The following SVIL variants were observed in gnomAD, a reference collection of about 807,000 sequenced individuals.
The protein encoded by SVIL is supervillin.
In SVIL, 101 loss-of-function variants were observed where a neutral mutation model predicts 240.4. The ratio of observed to expected loss-of-function variants is 0.42; its 90% CI spans 0.36 to 0.50. The LOEUF (loss-of-function observed/expected upper bound fraction) is 0.50. Ranked by LOEUF, SVIL falls within the 20% of genes least tolerant of loss-of-function variation. SVIL has a pLI of 0.01. For synonymous variants in SVIL, 999 were observed against 1,100.0 expected (o/e 0.91, Z 1.82); for missense variants, 2,512 against 2,818.7 (o/e 0.89, Z 2.46).
Position 29,523,694 on chromosome 10 carries a change from C to G in SVIL, c.2920G>C (p.Ala974Pro). The G allele has an allele frequency of 6.2e-7, 1 of 1,614,166 alleles. No homozygotes were observed. Among genetic ancestry groups the G allele is most frequent in the South Asian group, 1.1e-5 (1 of 91,088 alleles). The change falls in exon 15 of 38, where the codon GCA (alanine) becomes CCA (proline). Residue 974 changes from alanine to proline, a missense_variant. Around this residue, in one of 3 missense-constraint regions of SVIL, gnomAD observed 1,443 missense variants for 1,486.6 expected, o/e 0.97. Transcript: ENST00000355867. ...EKYGSFEEAE[A>P]SYPILNRARE... ...GCTCGGTTCAGGATGGGGTAGGATG[C>G]TTCTGCTTCCTCAAAGGACCCATAC... is the stretch of plus-strand genomic sequence containing the variant.
In SVIL at chr10:29,458,501, G is replaced by A; in HGVS notation, c.6491C>T (p.Ala2164Val). The change falls in exon 37 of 38, where the codon GCC (alanine) becomes GTC (valine). Residue 2164 changes from alanine to valine, a missense_variant. By Grantham distance (64) the Ala-to-Val change is moderately conservative (BLOSUM62 0). Around this residue, in one of 3 missense-constraint regions of SVIL, gnomAD observed 797 missense variants for 925.3 expected, o/e 0.86. Transcript: ENST00000355867. Reference sequence around the variant, plus strand: ...ATCGACCCCCTCCGGGAGTGGCCTGGCCAGGAGGTCGGCCAGCGGGTAAAT... The same window carrying A: ...ATCGACCCCCTCCGGGAGTGGCCTGACCAGGAGGTCGGCCAGCGGGTAAAT... Reference protein sequence around the residue: ...KTIYPLADLLARPLPEGVDPL... With the variant: ...KTIYPLADLLVRPLPEGVDPL... The A allele has an allele frequency of 2.5e-6, 4 of 1,595,170 alleles. No homozygotes were observed. The highest frequency in any genetic ancestry group is 3.4e-6 in the Non-Finnish European group (4 of 1,170,866).
chr10:29,666,963 AG>A (rs1659866464), intron 2 of SVIL, among the ~76,000 whole-genome samples: 1 of 152,114 alleles, frequency 6.6e-6, no homozygotes, highest in South Asian at 2.1e-4. Flanking sequence ...GCATGAGAAA[AG>A]ACTAATACAG....
intron 1 of SVIL, among the ~76,000 whole-genome samples, chr10:29,570,113 A>C (rs1449839087): frequency 6.6e-6 from 1 of 152,266 alleles, no homozygotes; most frequent in African/African-American, 2.4e-5. Flanking sequence ...AAATAAGTAC[A>C]AAATATATCA....
At chr10:29,652,151 A>T (rs1958859241) in intron 3 of SVIL, among the ~76,000 whole-genome samples, 1 of 152,202 alleles carries the variant, frequency 6.6e-6, no homozygotes, top group Non-Finnish European at 1.5e-5. Flanking sequence ...ACTCAATTCT[A>T]GTCACTTTCA....
chr10:29,720,945 C>T (rs1936000), intron 1 of SVIL, among the ~76,000 whole-genome samples: 94,079 of 152,006 alleles, frequency 0.62, 29,499 homozygotes, highest in Non-Finnish European at 0.67. Flanking sequence ...CTCCTGGATT[C>T]AGGTGATTCT....
chr10:29,691,914 C>A (rs1048388128), intron 1 of SVIL, among the ~76,000 whole-genome samples: 2 of 152,156 alleles, frequency 1.3e-5, no homozygotes, highest in Non-Finnish European at 2.9e-5. Context: ...CTAAGGAAAA[C>A]AGATGAGCTG....
intron 22 of SVIL, among the ~76,000 whole-genome samples, chr10:29,489,498 T>C (rs1391289214): frequency 6.6e-6 from 1 of 152,254 alleles, no homozygotes; most frequent in East Asian, 1.9e-4. Context: ...TTTGAAGACA[T>C]ATAATACCAC....
intron 1 of SVIL, among the ~76,000 whole-genome samples, chr10:29,579,004 G>A (rs1207911206): frequency 1.3e-5 from 2 of 152,150 alleles, no homozygotes; most frequent in Non-Finnish European, 2.9e-5. Flanking sequence ...CTAAAGATTC[G>A]CTGGGGAAAC....
Position 29,458,489 on chromosome 10 carries a change from G to A in SVIL, c.6503C>T (p.Pro2168Leu), listed in dbSNP as rs748703359. The change falls in exon 37 of 38, where the codon CCG (proline) becomes CTG (leucine). Residue 2168 changes from proline (P) to leucine (L), a missense_variant. Transcript: ENST00000355867. ...AAGCTTCAGAGGATCGACCCCCTCC[G>A]GGAGTGGCCTGGCCAGGAGGTCGGC... is the stretch of plus-strand genomic sequence containing the variant. ...PLADLLARPL[P>L]EGVDPLKLEI... 5.0e-6 allele frequency: 8 copies of A among 1,587,936 alleles called. No individual in the cohort carries two copies. The highest frequency in any genetic ancestry group is 1.8e-5 in the Admixed American group (1 of 56,804).
chr10:29,597,302 T>C (rs1339451830), intron 1 of SVIL, among the ~76,000 whole-genome samples: 3 of 152,166 alleles, frequency 2.0e-5, no homozygotes, highest in Non-Finnish European at 2.9e-5. Flanking sequence ...GGAAGAATCA[T>C]GGGAGAGAGG....
chr10:29,490,650 C>A (rs1320298383), intron 22 of SVIL, among the ~76,000 whole-genome samples, 197 bp downstream of exon 22: 1 of 151,386 alleles, frequency 6.6e-6, no homozygotes, highest in Non-Finnish European at 1.5e-5. Context: ...AGGTGATACA[C>A]ACTTTGAGAA....
chr10:29,681,575 C>G (rs571273117), intron 2 of SVIL, among the ~76,000 whole-genome samples: 1 of 152,120 alleles, frequency 6.6e-6, no homozygotes, highest in African/African-American at 2.4e-5. Context: ...ATTTTAAGTC[C>G]TTGCAACTAA....
chr10:29,714,931 A>C (rs1377412872), intron 1 of SVIL, among the ~76,000 whole-genome samples: 2 of 150,662 alleles, frequency 1.3e-5, no homozygotes, highest in Non-Finnish European at 3.0e-5. Flanking sequence ...GTAACAAAGA[A>C]AGACCTTGTC....
intron 1 of SVIL, among the ~76,000 whole-genome samples, chr10:29,724,386 C>CACACACACACAT (rs1964167182): frequency 1.3e-5 from 2 of 151,336 alleles, no homozygotes; most frequent in African/African-American, 4.9e-5. Flanking sequence ...CACACACACA[C>CACACACACACAT]ACACACACAC....
intron 1 of SVIL, among the ~76,000 whole-genome samples, chr10:29,600,913 TCTCACA>T (rs1003439567): frequency 1.3e-5 from 2 of 152,214 alleles, no homozygotes; most frequent in Admixed American, 1.3e-4. Flanking sequence ...CCGGGTTCTT[TCTCACA>T]CTCAGTGGTG....
chr10:29,470,881 TCC>T (rs1945497368), intron 31 of SVIL, among the ~76,000 whole-genome samples: 2 of 152,122 alleles, frequency 1.3e-5, no homozygotes, highest in Non-Finnish European at 2.9e-5. Context: ...TTTTCTTTCT[TCC>T]TAAAAACAGC....
At chr10:29,666,454 T>C (rs1443641375) in intron 2 of SVIL, among the ~76,000 whole-genome samples, 1 of 152,214 alleles carries the variant, frequency 6.6e-6, no homozygotes, top group African/African-American at 2.4e-5. Context: ...CACCTAAGGA[T>C]ACCTTTTTGC....
At chr10:29,583,692 G>T (rs985064735) in intron 1 of SVIL, among the ~76,000 whole-genome samples, 1 of 152,184 alleles carries the variant, frequency 6.6e-6, no homozygotes, top group Non-Finnish European at 1.5e-5. Context: ...AGGGGAGGGC[G>T]TGTTTGTGAT....
At chr10:29,605,202 C>T (rs577896364) in intron 1 of SVIL, among the ~76,000 whole-genome samples, 12 of 152,280 alleles carry the variant, frequency 7.9e-5, no homozygotes, top group South Asian at 6.2e-4. Flanking sequence ...TTTTACTGTA[C>T]GCAGGGTCTG....
Sources: gnomAD v4.1 joint callset for allele counts (sites outside exome capture counted in the v4.1 genomes callset) on GRCh38, gnomAD v4.1.1 for gene constraint, gnomAD v4.1.1 regional missense constraint, MANE v1.5 for transcripts, NCBI Gene and HGNC (gene_info 2026-07-23, HGNC 2026-07-21) for gene names.